The following PHACTR1 variants were observed in gnomAD, a reference collection of about 807,000 sequenced individuals.
The protein encoded by PHACTR1 is phosphatase and actin regulator 1.
In PHACTR1, 16 loss-of-function variants were observed where a neutral mutation model predicts 69.2. That is an observed-to-expected ratio of 0.23 (90% CI 0.16 to 0.35). The LOEUF (loss-of-function observed/expected upper bound fraction) is 0.35. PHACTR1 is among the 10% of genes least tolerant of loss of function. The pLI is 1.00. For synonymous variants in PHACTR1, 312 were observed against 284.5 expected (o/e 1.10, Z -0.97); for missense variants, 510 against 734.7 (o/e 0.69, Z 3.54).
At chr6:12,848,297 A>G (rs140657673) in intron 4 of PHACTR1, among the ~76,000 whole-genome samples, 1 of 152,232 alleles carries the variant, frequency 6.6e-6, no homozygotes, top group African/African-American at 2.4e-5. Flanking sequence ...TTTCTCTGAC[A>G]TACTCTTACC....
At chr6:13,201,225 G>A (rs1025455820) in intron 7 of PHACTR1, among the ~76,000 whole-genome samples, 3 of 152,158 alleles carry the variant, frequency 2.0e-5, no homozygotes, top group Admixed American at 1.3e-4. Flanking sequence ...ATTCACTGGC[G>A]CTGCTGACCA....
At chr6:13,230,758 G>A (rs572119784) in intron 10 of PHACTR1, among the ~76,000 whole-genome samples, 43 of 150,482 alleles carry the variant, frequency 2.9e-4, no homozygotes, top group South Asian at 1.5e-3. Flanking sequence ...GGCTCACACC[G>A]GTAGTCCTAA....
chr6:13,206,196 T>C, intron 8 of PHACTR1, 60 bp downstream of exon 8: 1 of 1,446,572 alleles, frequency 6.9e-7, no homozygotes, highest in Non-Finnish European at 9.3e-7. Context: ...GAGGGGGGCC[T>C]AGGGATTTGG....
At chr6:13,074,359 C>T (rs149619095) in intron 5 of PHACTR1, among the ~76,000 whole-genome samples, 3 of 152,276 alleles carry the variant, frequency 2.0e-5, no homozygotes, top group East Asian at 1.9e-4. Flanking sequence ...AAATCGATAA[C>T]GACACTCTGT....
chr6:13,233,201 C>T (rs959915370), intron 10 of PHACTR1, among the ~76,000 whole-genome samples: 1 of 152,200 alleles, frequency 6.6e-6, no homozygotes, highest in African/African-American at 2.4e-5. Context: ...AAGCCACCAC[C>T]ATGATTAGCT....
At chr6:13,213,033 C>T (rs932041081) in intron 8 of PHACTR1, among the ~76,000 whole-genome samples, 44 of 152,166 alleles carry the variant, frequency 2.9e-4, no homozygotes, top group African/African-American at 9.4e-4. Flanking sequence ...AGGGCAGGAA[C>T]TGTTTTGTTC....
At chr6:12,748,363 C>T (rs1766077913) in intron 3 of PHACTR1, among the ~76,000 whole-genome samples, 1 of 152,124 alleles carries the variant, frequency 6.6e-6, no homozygotes, top group South Asian at 2.1e-4. Context: ...ACAGTCAGAT[C>T]AGCACTTCCC....
chr6:13,283,940 C>T lies in PHACTR1; in HGVS notation c.1650+378C>T, dbSNP rs1780889687. ...GGCATCCAACGAGGGATTCACCAAA[C>T]CAAAAGAGAAGACAAAGTAGACGCA... On this transcript the variant is annotated intron_variant, in intron 13 of 14. Transcript: ENST00000332995. The surrounding 1 kb of genome is among the most constrained non-coding windows in gnomAD (Gnocchi z 4.7). The T allele has an allele frequency of 4.6e-6, 1 of 219,744 alleles. No individual in the cohort carries two copies. The highest frequency in any genetic ancestry group is 9.2e-6 in the Non-Finnish European group (1 of 108,390). The allele number at this position is 219,744 out of a possible 1,614,324, so 13.6% of individuals were successfully genotyped here.
chr6:12,919,171 C>G (rs1295700892), intron 4 of PHACTR1, among the ~76,000 whole-genome samples: 2 of 151,874 alleles, frequency 1.3e-5, no homozygotes, highest in African/African-American at 4.8e-5. Flanking sequence ...GAGATGGAGT[C>G]TCACTCTATT....
chr6:13,066,719 T>A (rs945265528), intron 5 of PHACTR1, among the ~76,000 whole-genome samples: 4 of 152,124 alleles, frequency 2.6e-5, no homozygotes, highest in Non-Finnish European at 4.4e-5. Context: ...ATTGGAGTCA[T>A]CTGGAGGCTC....
intron 5 of PHACTR1, among the ~76,000 whole-genome samples, chr6:13,063,198 G>A (rs1807952852): frequency 6.6e-6 from 1 of 152,160 alleles, no homozygotes; most frequent in South Asian, 2.1e-4. Flanking sequence ...AGTGAGGACG[G>A]ACATGGCCCC....
At chr6:13,100,278 A>G (rs989477500) in intron 5 of PHACTR1, among the ~76,000 whole-genome samples, 1 of 152,206 alleles carries the variant, frequency 6.6e-6, no homozygotes, top group African/African-American at 2.4e-5. Flanking sequence ...GTGGTTAGCT[A>G]TAGTGAAATA....
At chr6:13,244,395 G>T (rs976685229) in intron 10 of PHACTR1, among the ~76,000 whole-genome samples, 5 of 152,186 alleles carry the variant, frequency 3.3e-5, no homozygotes, top group Non-Finnish European at 5.9e-5. Flanking sequence ...CAGGAGACAG[G>T]GTTTTGAGAT....
At chr6:12,806,096 C>T (rs1374885371) in intron 4 of PHACTR1, among the ~76,000 whole-genome samples, 1 of 152,136 alleles carries the variant, frequency 6.6e-6, no homozygotes, top group Non-Finnish European at 1.5e-5. Context: ...TCTCTCTCTA[C>T]ACTGTCTTTT....
chr6:13,161,478 C>G (rs977113804), intron 6 of PHACTR1, among the ~76,000 whole-genome samples: 2 of 152,034 alleles, frequency 1.3e-5, no homozygotes, highest in Non-Finnish European at 2.9e-5. Context: ...TATGTCAGGT[C>G]TTCTGATTGT....
chr6:12,994,794 A>G (rs985351817), intron 4 of PHACTR1, among the ~76,000 whole-genome samples: 1 of 152,168 alleles, frequency 6.6e-6, no homozygotes. Flanking sequence ...AAGAAAAAAC[A>G]GTTGGAAATT....
At chr6:13,059,125 G>A (rs73368130) in intron 5 of PHACTR1, among the ~76,000 whole-genome samples, 11,449 of 152,046 alleles carry the variant, frequency 0.075, 1,295 homozygotes, top group African/African-American at 0.24. Flanking sequence ...GACATTTGGG[G>A]GCAATATTAT....
chr6:13,050,311 T>C (rs1328876435), intron 4 of PHACTR1, among the ~76,000 whole-genome samples: 1 of 152,230 alleles, frequency 6.6e-6, no homozygotes, highest in Non-Finnish European at 1.5e-5. Context: ...CAACCCGTAC[T>C]TAAAACCTTC....
chr6:13,019,852 T>A (rs760555522), intron 4 of PHACTR1, among the ~76,000 whole-genome samples: 1 of 152,194 alleles, frequency 6.6e-6, no homozygotes, highest in Non-Finnish European at 1.5e-5. Context: ...TTCACTAACT[T>A]ATATATGAAT....
Sources: allele counts gnomAD v4.1 joint callset (sites outside exome capture counted in the v4.1 genomes callset), GRCh38; gene constraint gnomAD v4.1.1; non-coding constraint Gnocchi (gnomAD v3.1); transcripts MANE v1.5; gene names NCBI Gene and HGNC (gene_info 2026-07-23, HGNC 2026-07-21).